Variants in CNBD1 observed in about 807,000 individuals in gnomAD.
The protein encoded by CNBD1 is cyclic nucleotide-binding domain-containing protein 1.
In CNBD1, 71 loss-of-function variants were observed where a neutral mutation model predicts 54.4. That is an observed-to-expected ratio of 1.30 (90% CI 1.08 to 1.59). The LOEUF (loss-of-function observed/expected upper bound fraction) is 1.59. CNBD1 is among the 40% of genes most tolerant of loss of function. The pLI is 0.00. For synonymous variants in CNBD1, 182 were observed against 170.7 expected, an observed-to-expected ratio of 1.07 and a Z score of -0.51; for missense variants, 659 against 518.0, an observed-to-expected ratio of 1.27 and a Z score of -2.64.
intron 5 of CNBD1, among the ~76,000 whole-genome samples, chr8:87,228,336 G>A (rs982730318): frequency 1.3e-5 from 2 of 150,688 alleles, no homozygotes; most frequent in Non-Finnish European, 2.9e-5. Flanking sequence ...AGAGTTTCCA[G>A]TTTTTCTGTT....
chr8:87,171,199 T>C (rs971612536), intron 4 of CNBD1, among the ~76,000 whole-genome samples: 1 of 152,174 alleles, frequency 6.6e-6, no homozygotes, highest in Non-Finnish European at 1.5e-5. Flanking sequence ...TTGATTTCAT[T>C]ACTTTTTGTT....
At chr8:87,024,060 A>AC (rs1405436335) in intron 4 of CNBD1, among the ~76,000 whole-genome samples, 1 of 151,096 alleles carries the variant, frequency 6.6e-6, no homozygotes, top group Non-Finnish European at 1.5e-5. Flanking sequence ...ACACGGTGAA[A>AC]CCCCGTCTCT....
intron 6 of CNBD1, among the ~76,000 whole-genome samples, chr8:87,271,590 A>T (rs1290588626): frequency 6.6e-6 from 1 of 151,980 alleles, no homozygotes; most frequent in Non-Finnish European, 1.5e-5. Context: ...TTTTATAAAA[A>T]AAATTCAGAG....
At chr8:86,926,161 T>A (rs976251688) in intron 3 of CNBD1, among the ~76,000 whole-genome samples, 1 of 152,114 alleles carries the variant, frequency 6.6e-6, no homozygotes, top group African/African-American at 2.4e-5. Flanking sequence ...GACAGGAAAG[T>A]TCTCCAAGTC....
chr8:87,074,467 C>T (rs1810826181), intron 4 of CNBD1, among the ~76,000 whole-genome samples: 1 of 152,172 alleles, frequency 6.6e-6, no homozygotes, highest in Admixed American at 6.5e-5. Flanking sequence ...GATCCTGGGG[C>T]TGGAGTATGT....
At chr8:86,923,562 C>G in intron 3 of CNBD1, among the ~76,000 whole-genome samples, 1 of 152,248 alleles carries the variant, frequency 6.6e-6, no homozygotes, top group East Asian at 1.9e-4. Context: ...AGATTGGACT[C>G]AGATTCCCCG....
At chr8:87,329,979 A>G (rs979948434) in intron 8 of CNBD1, among the ~76,000 whole-genome samples, 14 of 151,996 alleles carry the variant, frequency 9.2e-5, no homozygotes, top group African/African-American at 3.4e-4. Flanking sequence ...TTATCTTAGT[A>G]GAAATACTCC....
At chr8:86,955,168 A>AT (rs1237692217) in intron 4 of CNBD1, among the ~76,000 whole-genome samples, 2 of 152,182 alleles carry the variant, frequency 1.3e-5, no homozygotes, top group African/African-American at 2.4e-5. Context: ...TGAACTCATC[A>AT]TTTTTTATGG....
At chr8:87,377,614 C>A (rs1415706132) in intron 10 of CNBD1, among the ~76,000 whole-genome samples, 1 of 150,870 alleles carries the variant, frequency 6.6e-6, no homozygotes, top group Non-Finnish European at 1.5e-5. Context: ...AATAAACATA[C>A]GTGTGCATGT....
At chr8:87,054,076 A>G (rs899903301) in intron 4 of CNBD1, among the ~76,000 whole-genome samples, 29 of 152,360 alleles carry the variant, frequency 1.9e-4, no homozygotes, top group African/African-American at 7.0e-4. Context: ...CCATTCACAG[A>G]TAAGACATGG....
chr8:87,127,530 TATTA>T (rs566975667), intron 4 of CNBD1, among the ~76,000 whole-genome samples: 6 of 152,072 alleles, frequency 3.9e-5, no homozygotes, highest in Admixed American at 2.6e-4. Context: ...CAAAATCACA[TATTA>T]ATTCCAGTGG....
At position 87,303,105 on chromosome 8, in the gene CNBD1, A is replaced by G. The variant is rs187781960; in HGVS notation, c.1042+16434A>G. 5.4e-3 allele frequency among the ~76,000 whole-genome samples: 821 copies of G among 152,144 alleles called. 6 individuals carry two copies. Among genetic ancestry groups the G allele is most frequent in the African/African-American group, 0.019 (776 of 41,526 alleles). On this transcript the variant is annotated intron_variant, in intron 8 of 10. Coordinates refer to ENST00000518476, the MANE Select transcript of CNBD1 (RefSeq NM_173538.3). ...CAATGCTATCCCCATCAAGCTACCA[A>G]TGATTTTCTTCACAGAATTGGAAAA...
intron 4 of CNBD1, among the ~76,000 whole-genome samples, chr8:87,185,922 A>G (rs1259001621): frequency 6.6e-6 from 1 of 152,058 alleles, no homozygotes; most frequent in South Asian, 2.1e-4. Flanking sequence ...CCCTCGTCCC[A>G]TTCTTTATCA....
At chr8:87,151,464 A>G (rs1453750328) in intron 4 of CNBD1, among the ~76,000 whole-genome samples, 1 of 152,220 alleles carries the variant, frequency 6.6e-6, no homozygotes. Flanking sequence ...CAATACAAGT[A>G]TATAGTATGT....
intron 10 of CNBD1, among the ~76,000 whole-genome samples, chr8:87,354,769 G>T (rs1029908866): frequency 5.9e-5 from 9 of 152,158 alleles, no homozygotes; most frequent in Non-Finnish European, 1.2e-4. Flanking sequence ...GTATTCCATG[G>T]TGTATATGTG....
chr8:86,886,804 T>C (rs2131786260), intron 1 of CNBD1, among the ~76,000 whole-genome samples: 1 of 152,296 alleles, frequency 6.6e-6, no homozygotes, highest in Middle Eastern at 3.4e-3. Flanking sequence ...ATTATTTTTT[T>C]TTACAACAGT....
intron 5 of CNBD1, among the ~76,000 whole-genome samples, chr8:87,228,086 C>T (rs1235200624): frequency 6.6e-6 from 1 of 151,632 alleles, no homozygotes; most frequent in East Asian, 1.9e-4. Context: ...TGGTTTTCAG[C>T]TCCATCAGCT....
At chr8:87,320,726 A>G (rs191298370) in intron 8 of CNBD1, among the ~76,000 whole-genome samples, 1 of 152,118 alleles carries the variant, frequency 6.6e-6, no homozygotes, top group East Asian at 1.9e-4. Flanking sequence ...ACTGTGATAA[A>G]AAACATGAGA....
chr8:87,175,886 A>G (rs907038712), intron 4 of CNBD1, among the ~76,000 whole-genome samples: 4 of 152,154 alleles, frequency 2.6e-5, no homozygotes, highest in Admixed American at 2.6e-4. Context: ...CTGGAACTCA[A>G]GTTCTGAGTG....
Sources: allele counts gnomAD v4.1 joint callset (sites outside exome capture counted in the v4.1 genomes callset), GRCh38; gene constraint gnomAD v4.1.1; transcripts MANE v1.5; gene names NCBI Gene and HGNC (gene_info 2026-07-23, HGNC 2026-07-21).